GREB1: variants seen among roughly 807,000 people sequenced by gnomAD.
GREB1 encodes the protein growth regulating estrogen receptor binding 1, also known as protein GREB1.
Under a neutral mutation model 200.7 loss-of-function variants are expected in GREB1, and 106 were observed. That is an observed-to-expected ratio of 0.53 (90% confidence interval 0.45 to 0.62). GREB1 has a LOEUF of 0.62. GREB1 is among the 20% of genes least tolerant of loss of function. The pLI is 0.00. For synonymous variants in GREB1, 1,132 were observed against 1,092.4 expected (o/e 1.04, Z -0.72); for missense variants, 2,243 against 2,556.8 (o/e 0.88, Z 2.65).
In GREB1 at chr2:11,566,710, G is replaced by T. The variant is rs1192397648; in HGVS notation, c.454+54G>T. 2.7e-6 allele frequency: 4 copies of T among 1,482,148 alleles called. No individual in the cohort carries two copies. In the Admixed American group the frequency reaches 8.6e-5, roughly 32 times the overall value. The allele number at this position is 1,482,148 out of a possible 1,614,324, so 91.8% of individuals were successfully genotyped here. On this transcript the variant is annotated intron_variant, in intron 4 of 32. Transcript: ENST00000381486. ...CTCCTTCTGCATGGGGTAGAGCAGG[G>T]TCAAGGGAGGTCACGGCGGGGGGTG... is the stretch of plus-strand genomic sequence containing the variant.
chr2:11,622,579 T>C (rs540387016), intron 23 of GREB1, among the ~76,000 whole-genome samples: 2 of 152,306 alleles, frequency 1.3e-5, no homozygotes, highest in South Asian at 2.1e-4. Context: ...AGATGAGACA[T>C]GGCAAATGGA....
intron 10 of GREB1, among the ~76,000 whole-genome samples, chr2:11,591,133 TGA>T (rs1473047962): frequency 6.6e-6 from 1 of 152,186 alleles, no homozygotes; most frequent in Non-Finnish European, 1.5e-5. Context: ...TTTTTAAAGA[TGA>T]GAGAGATAAC....
intron 17 of GREB1, 105 bp downstream of exon 17, chr2:11,602,647 C>A: frequency 1.1e-6 from 1 of 917,858 alleles, no homozygotes; most frequent in Non-Finnish European, 1.7e-6. Context: ...GCCTTTCCTT[C>A]CTGAGCAACT....
chr2:11,631,550 A>C (rs1371950806), intron 26 of GREB1, among the ~76,000 whole-genome samples: 1 of 151,988 alleles, frequency 6.6e-6, no homozygotes, highest in African/African-American at 2.4e-5. Flanking sequence ...TGTTGTGCTC[A>C]CTCACTCGTG....
upstream of GREB1, among the ~76,000 whole-genome samples, chr2:11,533,435 C>T (rs73917248): frequency 0.024 from 3,601 of 152,308 alleles, 178 homozygotes; most frequent in African/African-American, 0.082. Flanking sequence ...AACTGGAGCT[C>T]AGGGAGTGAG....
Position 11,600,841 on chromosome 2 carries a change from T to C in GREB1, c.2375T>C (p.Val792Ala). The C allele has an allele frequency of 3.1e-6, 5 of 1,614,166 alleles. No individual in the cohort carries two copies. The highest frequency in any genetic ancestry group is 3.4e-6 in the Non-Finnish European group (4 of 1,180,012). The change falls in exon 16 of 33, where the codon GTG (valine) becomes GCG (alanine). Residue 792 changes from valine (V) to alanine (A), a missense_variant. By Grantham distance (64) the Val-to-Ala change is moderately conservative. Coordinates refer to ENST00000381486, the MANE Select transcript of GREB1 (RefSeq NM_014668.4). ...CTCTATTCTCAAAGTGACCCGTCGG[T>C]GGGATTGGTGGACCGATTGCTCAAC... ...HNLYSQSDPS[V>A]GLVDRLLNCR... is the part of the protein sequence containing the mutation.
chr2:11,636,737 A>G (rs1349249721), intron 30 of GREB1, among the ~76,000 whole-genome samples: 1 of 140,016 alleles, frequency 7.1e-6, no homozygotes, highest in African/African-American at 2.7e-5. Context: ...GGCAGGGGTA[A>G]GGGCATGGGC....
intron 4 of GREB1, among the ~76,000 whole-genome samples, chr2:11,572,788 T>A (rs1678446918): frequency 6.6e-6 from 1 of 151,534 alleles, no homozygotes; most frequent in Non-Finnish European, 1.5e-5. Flanking sequence ...ACAAGGTGGG[T>A]TTTTGGGAGG....
rs367705895 is a variant in GREB1 at position 11,548,168 on chromosome 2, C to A, written c.-161-8286C>A. Among the ~76,000 whole-genome samples, 579 of 151,236 alleles carry A rather than the reference C, an allele frequency of 3.8e-3. 6 individuals are homozygous for A. The highest frequency in any genetic ancestry group is 0.013 in the African/African-American group (550 of 40,848). ...CTACAGCTGGGCAACAGAGCAAGACCCTGTCTCCAAAAAAAAAAAAACCCA... is the reference window on the plus strand; with the variant it reads ...CTACAGCTGGGCAACAGAGCAAGACACTGTCTCCAAAAAAAAAAAAACCCA... On this transcript the variant is annotated intron_variant, in intron 1 of 32. Transcript: ENST00000381486. This position sits in a 1 kb window ranked among gnomAD's most constrained non-coding sequence, Gnocchi z 5.1.
chr2:11,541,297 T>G (rs1047473089), intron 1 of GREB1, among the ~76,000 whole-genome samples: 2 of 152,066 alleles, frequency 1.3e-5, no homozygotes, highest in African/African-American at 4.8e-5. Context: ...AAGCCAGGGT[T>G]GGGGTTTTGC....
intron 4 of GREB1, among the ~76,000 whole-genome samples, chr2:11,570,829 T>C (rs185540158): frequency 1.3e-5 from 2 of 152,222 alleles, no homozygotes; most frequent in African/African-American, 2.4e-5. Flanking sequence ...AGGAGTACGA[T>C]GGCCTGAGAA....
chr2:11,629,819 G>C lies in GREB1; in HGVS notation c.4450-129G>C. 2 of 887,332 alleles carry C rather than the reference G, an allele frequency of 2.3e-6. No homozygotes were observed. Among genetic ancestry groups the C allele is most frequent in the Non-Finnish European group, 3.5e-6 (2 of 568,232 alleles). The allele number at this position is 887,332 out of a possible 1,614,324, so 55.0% of individuals were successfully genotyped here. On this transcript the variant is annotated intron_variant, in intron 25 of 32. Transcript: ENST00000381486. The surrounding 1 kb of genome is among the most constrained non-coding windows in gnomAD (Gnocchi z 5.2). ...CTGCACTTTGCACTGGAGTCACCCC[G>C]TGGGTTTCTTGTGCTGTAGGGAAGT...
At chr2:11,609,638 C>G (rs931797941) in intron 17 of GREB1, among the ~76,000 whole-genome samples, 14 of 152,138 alleles carry the variant, frequency 9.2e-5, no homozygotes, top group African/African-American at 3.4e-4. Flanking sequence ...TAATGGCAAG[C>G]TTGCCAGGCC....
At chr2:11,535,766 G>A (rs1438902542) in intron 1 of GREB1, among the ~76,000 whole-genome samples, 1 of 152,102 alleles carries the variant, frequency 6.6e-6, no homozygotes, top group African/African-American at 2.4e-5. Flanking sequence ...ATAGAAAAAG[G>A]TTGCATTAGC....
intron 1 of GREB1, among the ~76,000 whole-genome samples, chr2:11,486,678 G>C (rs960050642): frequency 1.3e-5 from 2 of 151,954 alleles, no homozygotes; most frequent in Admixed American, 1.3e-4. Flanking sequence ...GACTAGCCTG[G>C]CTAATGTGGT....
intron 14 of GREB1, 63 bp from the exon 15 acceptor site, chr2:11,598,617 G>T: frequency 6.8e-7 from 1 of 1,461,670 alleles, no homozygotes; most frequent in Non-Finnish European, 9.5e-7. Context: ...TCAGGTGTCT[G>T]TTGAGTGAAT....
In GREB1 at chr2:11,642,519, G is replaced by A. The variant is rs1051290779; in HGVS notation, c.*2065G>A. ...ATAAATGATTGTAAAAGATGATGCCGAAGAGTTGATGTCAATCTTTTTTTC... is the reference window on the plus strand; with the variant it reads ...ATAAATGATTGTAAAAGATGATGCCAAAGAGTTGATGTCAATCTTTTTTTC... On this transcript the variant is annotated 3_prime_UTR_variant, in exon 33 of 33. Transcript: ENST00000381486. 1.7e-4 allele frequency: 26 copies of A among 152,150 alleles called. No individual in the cohort carries two copies. Among genetic ancestry groups the A allele is most frequent in the South Asian group, 1.5e-3 (7 of 4,820 alleles). 9.4% of individuals were successfully genotyped at this position (152,150 alleles called of 1,614,324 possible).
intron 1 of GREB1, among the ~76,000 whole-genome samples, chr2:11,534,611 C>T (rs1674206713): frequency 6.6e-6 from 1 of 152,188 alleles, no homozygotes; most frequent in African/African-American, 2.4e-5. Flanking sequence ...GCCAGATCAA[C>T]AGGCTCACCC....
upstream of GREB1, among the ~76,000 whole-genome samples, chr2:11,532,550 A>T (rs1195817164): frequency 1.3e-5 from 2 of 152,202 alleles, no homozygotes; most frequent in Non-Finnish European, 2.9e-5. Context: ...TCTGACCTAG[A>T]AGCAACCAAA....
Sources: allele counts gnomAD v4.1 joint callset (sites outside exome capture counted in the v4.1 genomes callset), GRCh38; gene constraint gnomAD v4.1.1; non-coding constraint Gnocchi (gnomAD v3.1); transcripts MANE v1.5; gene names NCBI Gene and HGNC (gene_info 2026-07-23, HGNC 2026-07-21).